Variants in EYS observed in about 807,000 individuals in gnomAD.
EYS encodes EGF-like photoreceptor maintenance factor.
In EYS, 250 loss-of-function variants were observed where a neutral mutation model predicts 282.1. The observed-to-expected ratio is 0.89, with a 90% CI of 0.80 to 0.98. The LOEUF (loss-of-function observed/expected upper bound fraction) is 0.98. Ranked by LOEUF, EYS falls within the 50% of genes least tolerant of loss-of-function variation. EYS has a pLI of 0.00. For missense variants in EYS, 4,016 were observed against 3,709.0 expected (o/e 1.08, Z -2.15); for synonymous variants, 1,355 against 1,282.9 (o/e 1.06, Z -1.20).
chr6:64,320,980 G>C (rs1009817601), intron 29 of EYS, among the ~76,000 whole-genome samples: 1 of 151,688 alleles, frequency 6.6e-6, no homozygotes, highest in African/African-American at 2.4e-5. Context: ...ACAGTTTCCA[G>C]TACCAAACCC....
Position 64,439,234 on chromosome 6 carries a change from C to G in EYS, c.5763G>C (p.Leu1921=). 1 of 1,506,508 alleles carries G rather than the reference C, an allele frequency of 6.6e-7. No individual in the cohort carries two copies. The highest frequency in any genetic ancestry group is 8.9e-7 in the Non-Finnish European group (1 of 1,128,102). The allele number at this position is 1,506,508 out of a possible 1,614,324, so 93.3% of individuals were successfully genotyped here. Residue 1921 remains leucine (L), a synonymous_variant, in exon 27 of 43, where the codon CTG becomes CTC. Transcript: ENST00000503581. ...CTAAATTTGAGTCTTGCTTGACATA[C>G]AGCAGAAGTCCATAGGAGCTGAAGG... ...FQTFSSYGLL[L]YVKQDSNLVD...
intron 12 of EYS, among the ~76,000 whole-genome samples, chr6:65,261,980 C>A (rs1231201870): frequency 2.6e-5 from 4 of 152,042 alleles, no homozygotes; most frequent in Non-Finnish European, 5.9e-5. Context: ...GCCAGTGGAT[C>A]AAACTATTCA....
At chr6:65,506,303 T>C (rs1044898069) in intron 2 of EYS, among the ~76,000 whole-genome samples, 3 of 152,002 alleles carry the variant, frequency 2.0e-5, no homozygotes, top group African/African-American at 7.2e-5. Flanking sequence ...TTTTTGTAAC[T>C]GTATTTCACT....
At chr6:64,701,752 AGGTAACG>A (rs1433987306) in intron 22 of EYS, among the ~76,000 whole-genome samples, 1 of 152,050 alleles carries the variant, frequency 6.6e-6, no homozygotes, top group Non-Finnish European at 1.5e-5. Flanking sequence ...TAAGTTATTC[AGGTAACG>A]GGTACAGTAA....
intron 22 of EYS, among the ~76,000 whole-genome samples, chr6:64,803,541 G>A (rs573677511): frequency 6.6e-6 from 1 of 152,280 alleles, no homozygotes; most frequent in South Asian, 2.1e-4. Context: ...TGAAGGTGGG[G>A]CATCAATGGG....
intron 33 of EYS, among the ~76,000 whole-genome samples, chr6:64,014,320 T>C (rs763462026): frequency 6.6e-6 from 1 of 152,124 alleles, no homozygotes; most frequent in Non-Finnish European, 1.5e-5. Flanking sequence ...AAAGATATGT[T>C]ACAGTGAGGG....
chr6:65,515,267 C>T (rs990831905), intron 2 of EYS, among the ~76,000 whole-genome samples: 16 of 151,832 alleles, frequency 1.1e-4, no homozygotes, highest in African/African-American at 3.9e-4. Context: ...GTTAGAATGG[C>T]AATCATTAAA....
chr6:65,291,659 G>A (rs1365951506), intron 12 of EYS, among the ~76,000 whole-genome samples: 1 of 151,666 alleles, frequency 6.6e-6, no homozygotes, highest in East Asian at 1.9e-4. Flanking sequence ...TGCTCCAGGA[G>A]GTCATCTCTG....
intron 33 of EYS, among the ~76,000 whole-genome samples, chr6:64,059,210 G>A (rs908779671): frequency 8.5e-5 from 13 of 152,172 alleles, no homozygotes; most frequent in African/African-American, 2.9e-4. Context: ...CTTGCCACCT[G>A]TCCCTTTCTC....
At chr6:65,211,962 T>C (rs554316514) in intron 12 of EYS, among the ~76,000 whole-genome samples, 1 of 151,992 alleles carries the variant, frequency 6.6e-6, no homozygotes, top group Non-Finnish European at 1.5e-5. Flanking sequence ...TCTTAGCATC[T>C]AAATTATGGA....
intron 18 of EYS, among the ~76,000 whole-genome samples, chr6:64,891,301 A>G (rs767681347): frequency 1.3e-5 from 2 of 152,130 alleles, no homozygotes; most frequent in Admixed American, 6.6e-5. Context: ...ATTTTACTCT[A>G]CAACAGAGCA....
At chr6:65,316,452 G>C (rs1481696854) in intron 11 of EYS, among the ~76,000 whole-genome samples, 2 of 24,472 alleles carry the variant, frequency 8.2e-5, no homozygotes, top group East Asian at 2.7e-3. Context: ...GGGTGGTAAG[G>C]GTCATTTCTT....
At chr6:64,693,762 A>T (rs1271500939) in intron 22 of EYS, among the ~76,000 whole-genome samples, 1 of 152,162 alleles carries the variant, frequency 6.6e-6, no homozygotes, top group Non-Finnish European at 1.5e-5. Context: ...TAAAAAATCA[A>T]TAAAGAAGGC....
chr6:64,686,078 G>C (rs146325719), intron 22 of EYS, among the ~76,000 whole-genome samples: 13 of 150,220 alleles, frequency 8.7e-5, no homozygotes, highest in African/African-American at 3.2e-4. Context: ...AGAGAAATTA[G>C]AAAATACTTT....
rs946318214 is a variant in EYS at position 64,066,367 on chromosome 6, G to T, written c.6696C>A (p.Asn2232Lys). The T allele has an allele frequency of 1.0e-5, 16 of 1,551,502 alleles. No individual in the cohort carries two copies. Among genetic ancestry groups the T allele is most frequent in the Non-Finnish European group, 1.3e-5 (15 of 1,146,796 alleles). The change falls in exon 33 of 43, where the codon AAC becomes AAA. Residue 2232 changes from asparagine (N) to lysine (K), a missense_variant. Asn to Lys is a moderately conservative substitution (Grantham distance 94). Coordinates refer to ENST00000503581, the MANE Select transcript of EYS (RefSeq NM_001142800.2). ...ILTVSANYSI[N>K]TNAFTPITIR... ...TTGTGATAGGGGTGAATGCATTTGT[G>T]TTAATGCTGTAATTAGCAGAAACAG... is the stretch of plus-strand genomic sequence containing the variant.
At chr6:64,272,828 T>C (rs1044816052) in intron 30 of EYS, among the ~76,000 whole-genome samples, 1 of 152,170 alleles carries the variant, frequency 6.6e-6, no homozygotes, top group African/African-American at 2.4e-5. Flanking sequence ...GGTTTTATAA[T>C]CTTACACATG....
chr6:65,648,472 G>C (rs765366895), intron 1 of EYS, among the ~76,000 whole-genome samples: 3 of 152,076 alleles, frequency 2.0e-5, no homozygotes, highest in Admixed American at 2.0e-4. Flanking sequence ...GCCAAACATC[G>C]TATGTTCTCA....
chr6:64,550,826 CAGAG>C (rs1483667118), intron 26 of EYS, among the ~76,000 whole-genome samples: 11 of 152,136 alleles, frequency 7.2e-5, no homozygotes, highest in African/African-American at 2.7e-4. Flanking sequence ...AACAGACAAA[CAGAG>C]AGCCAAATCA....
chr6:64,524,550 T>G (rs1273575961), intron 26 of EYS, among the ~76,000 whole-genome samples: 1 of 151,866 alleles, frequency 6.6e-6, no homozygotes, highest in Non-Finnish European at 1.5e-5. Flanking sequence ...AATCTTTGTC[T>G]GTTCCTATGT....
Sources: allele counts gnomAD v4.1 joint callset (sites outside exome capture counted in the v4.1 genomes callset), GRCh38; gene constraint gnomAD v4.1.1; transcripts MANE v1.5; gene names NCBI Gene and HGNC (gene_info 2026-07-23, HGNC 2026-07-21).